MCTP2: variants seen among roughly 807,000 people sequenced by gnomAD.
The protein encoded by MCTP2 is multiple C2 and transmembrane domain containing 2.
MCTP2 carries 132 observed loss-of-function variants against 111.6 expected under a neutral mutation model. The ratio of observed to expected loss-of-function variants is 1.18; its 90% CI spans 1.03 to 1.37. The LOEUF is 1.37. Among genes scored for constraint, MCTP2 ranks in the 40% most tolerant of loss-of-function variants. The probability of loss-of-function intolerance (pLI) is 0.00; values close to 1 mark genes in which losing one functional copy is unlikely to be tolerated. For synonymous variants in MCTP2, 395 were observed against 387.7 expected, an observed-to-expected ratio of 1.02 and a Z score of -0.22; for missense variants, 1,183 against 1,067.9, an observed-to-expected ratio of 1.11 and a Z score of -1.50.
intron 1 of MCTP2, among the ~76,000 whole-genome samples, chr15:94,252,755 A>G (rs2072522987): frequency 6.6e-6 from 1 of 152,146 alleles, no homozygotes; most frequent in East Asian, 1.9e-4. Context: ...AGACCTAGGT[A>G]GGGTTACCAG....
At chr15:94,412,239 G>A (rs142058924) in intron 17 of MCTP2, among the ~76,000 whole-genome samples, 3 of 151,426 alleles carry the variant, frequency 2.0e-5, no homozygotes, top group East Asian at 1.9e-4. Context: ...TTGAAATTAC[G>A]GTTTTAGTTC....
intron 16 of MCTP2, among the ~76,000 whole-genome samples, chr15:94,401,578 A>T (rs1014631571): frequency 6.6e-6 from 1 of 151,758 alleles, no homozygotes; most frequent in African/African-American, 2.4e-5. Context: ...CTGCCTCTGC[A>T]TGTGTCTTTC....
intron 17 of MCTP2, among the ~76,000 whole-genome samples, chr15:94,415,723 A>C (rs1469122035): frequency 6.6e-6 from 1 of 151,800 alleles, no homozygotes; most frequent in Non-Finnish European, 1.5e-5. Flanking sequence ...TTAGGACGTG[A>C]TAACTTTGTC....
chr15:94,324,404 C>T (rs1168211789), intron 4 of MCTP2, among the ~76,000 whole-genome samples: 2 of 152,150 alleles, frequency 1.3e-5, no homozygotes, highest in Non-Finnish European at 2.9e-5. Context: ...GTTGCTGGTG[C>T]CCTCTTGTGG....
intron 2 of MCTP2, among the ~76,000 whole-genome samples, chr15:94,306,958 A>G (rs1010935381): frequency 3.3e-5 from 5 of 152,332 alleles, no homozygotes; most frequent in South Asian, 2.1e-4. Flanking sequence ...CTACACTTCA[A>G]TGACGTCATT....
In MCTP2 at chr15:94,298,249, T is replaced by G. The variant is rs1303986125; in HGVS notation, c.-17T>G. On this transcript the variant is annotated 5_prime_UTR_variant, in exon 2 of 23. Coordinates refer to ENST00000357742, the MANE Select transcript of MCTP2 (RefSeq NM_001385001.1). ...GGTGTACTTCTGAGAAGTGGCTTCT[T>G]GGGTCTTCATGCAGCCATGGATCTG... The G allele has an allele frequency of 3.2e-6, 5 of 1,581,146 alleles. No individual in the cohort carries two copies. Among genetic ancestry groups the G allele is most frequent in the Middle Eastern group, 1.7e-4 (1 of 5,824 alleles).
rs1286616581 is a variant in MCTP2, at chr15:94,482,485, G to GTGTT, written c.*3452_*3455dup. On this transcript the variant is annotated 3_prime_UTR_variant, in exon 23 of 23. Transcript: ENST00000357742. ...CTAGGTCTCCAGGTCTAGGAAGATG[G>GTGTT]TGTTACCTTTCACTAAGGGAGAGAA... 2.0e-5 allele frequency: 3 copies of GTGTT among 152,206 alleles called. No individual in the cohort carries two copies. Among genetic ancestry groups the GTGTT allele is most frequent in the African/African-American group, 7.2e-5 (3 of 41,450 alleles). The allele number at this position is 152,206 out of a possible 1,614,324, so 9.4% of individuals were successfully genotyped here. A position where few individuals can be genotyped will look rare whatever the true frequency, so the allele number is the denominator to read the frequency against.
At chr15:94,390,103 T>TGC (rs2080849475) in intron 14 of MCTP2, among the ~76,000 whole-genome samples, 10 of 39,904 alleles carry the variant, frequency 2.5e-4, no homozygotes, top group Admixed American at 1.5e-3. Context: ...TATATATATA[T>TGC]ATATATATAT....
In MCTP2 at chr15:94,401,940, T is replaced by C. The variant is rs991996645; in HGVS notation, c.2006T>C (p.Met669Thr). The change falls in exon 17 of 23, where the codon ATG (methionine) becomes ACG (threonine). Residue 669 changes from methionine to threonine, a missense_variant. Coordinates refer to ENST00000357742, the MANE Select transcript of MCTP2 (RefSeq NM_001385001.1). ...RDVDRVKRIT[M>T]AIWNTMQFLK... ...GTGGACCGTGTGAAAAGAATCACTA[T>C]GGCAATATGGAATACAATGCAGTTC... 3 of 1,612,754 alleles carry C rather than the reference T, an allele frequency of 1.9e-6. No homozygotes were observed. The highest frequency in any genetic ancestry group is 2.2e-5 in the East Asian group (1 of 44,830).
At chr15:94,235,513 T>C (rs1348291696) in intron 1 of MCTP2, among the ~76,000 whole-genome samples, 1 of 152,194 alleles carries the variant, frequency 6.6e-6, no homozygotes, top group African/African-American at 2.4e-5. Flanking sequence ...GAATCCCTTA[T>C]GGAGATCACT....
At chr15:94,264,337 G>T (rs936155690) in intron 1 of MCTP2, among the ~76,000 whole-genome samples, 1 of 151,992 alleles carries the variant, frequency 6.6e-6, no homozygotes, top group African/African-American at 2.4e-5. Context: ...GGCTGGGCGC[G>T]GTGGCTCATG....
chr15:94,367,330 C>T (rs2079241101), intron 10 of MCTP2, among the ~76,000 whole-genome samples: 1 of 152,126 alleles, frequency 6.6e-6, no homozygotes, highest in African/African-American at 2.4e-5. Flanking sequence ...TTCTGCAGAC[C>T]TTATTTGGCA....
At chr15:94,455,226 A>G (rs1370340932) in intron 19 of MCTP2, among the ~76,000 whole-genome samples, 6 of 152,236 alleles carry the variant, frequency 3.9e-5, no homozygotes, top group South Asian at 4.1e-4. Context: ...ACTTTTCAGC[A>G]TATATTTTGT....
intron 21 of MCTP2, 99 bp from the exon 22 acceptor site, chr15:94,476,597 T>C (rs1005892928): frequency 2.2e-5 from 16 of 735,928 alleles, no homozygotes; most frequent in South Asian, 2.1e-4. Context: ...AGATAGATGA[T>C]TGACTGACAG....
rs73462097 is a variant in MCTP2 at position 94,321,804 on chromosome 15, C to T, written c.637+6167C>T. 2.8e-3 allele frequency among the ~76,000 whole-genome samples: 428 copies of T among 152,296 alleles called. 4 individuals carry two copies. The highest frequency in any genetic ancestry group is 9.0e-3 in the African/African-American group (376 of 41,560). The stretch of plus-strand genomic sequence containing the variant: ...TAGTGGCCTACTGTTGACCAGAAGC[C>T]TTACTGATAACATAAACAGCCCGTT... On this transcript the variant is annotated intron_variant, in intron 4 of 22. Transcript: ENST00000357742.
intron 1 of MCTP2, among the ~76,000 whole-genome samples, chr15:94,246,872 GTGTTCTTTACCTTTTCATT>G (rs2072051501): frequency 6.6e-6 from 1 of 152,198 alleles, no homozygotes; most frequent in African/African-American, 2.4e-5. Context: ...ATATTGATAA[GTGTTCTTTACCTTTTCATT>G]TGAGAGATGC....
In MCTP2 at chr15:94,431,212, G is replaced by A. The variant is rs558450179; in HGVS notation, c.2086-8964G>A. ...AAGTAGTGACAAGAAGATGAATTTA[G>A]TTTGAATGGCCCAGGGATAGAACAT... is the stretch of plus-strand genomic sequence containing the variant. On this transcript the variant is annotated intron_variant, in intron 17 of 22. Coordinates refer to ENST00000357742, the MANE Select transcript of MCTP2 (RefSeq NM_001385001.1). Among the ~76,000 whole-genome samples the A allele has an allele frequency of 3.0e-4, 46 of 152,304 alleles. 1 individual carries two copies. In the South Asian group the frequency reaches 9.3e-3, roughly 31 times the overall value.
intron 1 of MCTP2, among the ~76,000 whole-genome samples, chr15:94,244,136 ATG>A (rs2071470876): frequency 1.4e-5 from 2 of 144,834 alleles, no homozygotes; most frequent in African/African-American, 2.6e-5. Context: ...ATGTATACAC[ATG>A]CATATGTGTA....
chr15:94,395,227 T>C (rs1034558382), intron 14 of MCTP2, among the ~76,000 whole-genome samples: 3 of 152,228 alleles, frequency 2.0e-5, no homozygotes, highest in African/African-American at 7.2e-5. Flanking sequence ...CCAACTAATA[T>C]GTCATGGTAT....
Sources: allele counts gnomAD v4.1 joint callset (sites outside exome capture counted in the v4.1 genomes callset), GRCh38; gene constraint gnomAD v4.1.1; transcripts MANE v1.5; gene names NCBI Gene and HGNC (gene_info 2026-07-23, HGNC 2026-07-21).